Variants in RFX3 observed in about 807,000 individuals in gnomAD.
The protein encoded by RFX3 is regulatory factor X3, also known as transcription factor RFX3.
In RFX3, 14 loss-of-function variants were observed where a neutral mutation model predicts 98.6. That is an observed-to-expected ratio of 0.14 (90% CI 0.09 to 0.22). The LOEUF (loss-of-function observed/expected upper bound fraction) is 0.22. RFX3 is among the 10% of genes least tolerant of loss of function. The pLI is 1.00. For synonymous variants in RFX3, 383 were observed against 328.4 expected, an observed-to-expected ratio of 1.17 and a Z score of -1.80; for missense variants, 639 against 926.9, an observed-to-expected ratio of 0.69 and a Z score of 4.03.
intron 9 of RFX3, among the ~76,000 whole-genome samples, 190 bp downstream of exon 9, chr9:3,275,310 T>C (rs1825062560): frequency 6.6e-6 from 1 of 152,140 alleles, no homozygotes; most frequent in African/African-American, 2.4e-5. Context: ...TATTCTCACT[T>C]TTCTGCATTC....
chr9:3,324,247 T>C (rs1831636990), intron 4 of RFX3: 1 of 205,464 alleles, frequency 4.9e-6, no homozygotes, highest in East Asian at 1.0e-4. Flanking sequence ...AATTACTGTT[T>C]TGTCACATAA....
chr9:3,276,360 T>C (rs1825225098), intron 8 of RFX3, among the ~76,000 whole-genome samples: 1 of 152,238 alleles, frequency 6.6e-6, no homozygotes, highest in South Asian at 2.1e-4. Context: ...TCTTATTAGC[T>C]CTGGACAATT....
chr9:3,289,871 G>A (rs1447123366), intron 6 of RFX3, among the ~76,000 whole-genome samples: 1 of 151,990 alleles, frequency 6.6e-6, no homozygotes, highest in South Asian at 2.1e-4. Flanking sequence ...TCTGGTTCTG[G>A]TTTGAGTGGT....
At chr9:3,256,795 T>C (rs1822202325) in intron 14 of RFX3, among the ~76,000 whole-genome samples, 196 bp downstream of exon 14, 1 of 152,236 alleles carries the variant, frequency 6.6e-6, no homozygotes, top group Non-Finnish European at 1.5e-5. Context: ...AGAAAGTTTA[T>C]TTCTCTAAGT....
At chr9:3,231,367 T>C (rs865840380) in intron 15 of RFX3, among the ~76,000 whole-genome samples, 1 of 152,174 alleles carries the variant, frequency 6.6e-6, no homozygotes, top group Non-Finnish European at 1.5e-5. Context: ...TTTAACCCTA[T>C]AGATAGGCTG....
At chr9:3,447,788 TAA>T (rs888477987) in intron 1 of RFX3, among the ~76,000 whole-genome samples, 3 of 152,176 alleles carry the variant, frequency 2.0e-5, no homozygotes, top group African/African-American at 7.2e-5. Flanking sequence ...TCTAATTAGA[TAA>T]ACACACTTCC....
At chr9:3,405,872 C>G (rs1459004494) in intron 1 of RFX3, among the ~76,000 whole-genome samples, 1 of 152,168 alleles carries the variant, frequency 6.6e-6, no homozygotes, top group African/African-American at 2.4e-5. Flanking sequence ...TAGCTCCTGC[C>G]TACTGTCTCC....
intron 5 of RFX3, among the ~76,000 whole-genome samples, chr9:3,293,893 A>G (rs1345782282): frequency 6.6e-6 from 1 of 152,212 alleles, no homozygotes; most frequent in African/African-American, 2.4e-5. Context: ...TGTAATGAAA[A>G]GGAATCATTT....
At chr9:3,239,296 G>C (rs891159883) in intron 15 of RFX3, among the ~76,000 whole-genome samples, 43 of 152,260 alleles carry the variant, frequency 2.8e-4, no homozygotes, top group African/African-American at 1.0e-3. Context: ...TGTGTTCCTT[G>C]GTTACTTTTC....
At chr9:3,423,110 C>G (rs907934742) in intron 1 of RFX3, among the ~76,000 whole-genome samples, 1 of 152,136 alleles carries the variant, frequency 6.6e-6, no homozygotes, top group Non-Finnish European at 1.5e-5. Context: ...TTAACACTAT[C>G]CAAACATATG....
intron 3 of RFX3, among the ~76,000 whole-genome samples, chr9:3,346,319 G>A (rs1007220985): frequency 2.0e-5 from 3 of 151,914 alleles, no homozygotes; most frequent in African/African-American, 7.3e-5. Context: ...CATAAAAATT[G>A]ACCTCGTATA....
At chr9:3,403,892 C>G (rs969818345) in intron 1 of RFX3, among the ~76,000 whole-genome samples, 5 of 152,128 alleles carry the variant, frequency 3.3e-5, no homozygotes, top group African/African-American at 1.2e-4. Context: ...TAATTTTCTT[C>G]ACATCAGAAA....
chr9:3,400,212 A>G (rs1399238075), intron 1 of RFX3: 1 of 982,256 alleles, frequency 1.0e-6, no homozygotes, highest in Admixed American at 6.1e-5. Flanking sequence ...AAGACAAGTA[A>G]GAAAGGCAAA....
intron 1 of RFX3, among the ~76,000 whole-genome samples, chr9:3,416,231 G>C (rs1236909222): frequency 6.6e-6 from 1 of 152,138 alleles, no homozygotes; most frequent in Non-Finnish European, 1.5e-5. Context: ...ATAAAGTGTT[G>C]TATGAGCACA....
At chr9:3,488,121 T>C (rs1850430182) in intron 1 of RFX3, among the ~76,000 whole-genome samples, 2 of 152,088 alleles carry the variant, frequency 1.3e-5, no homozygotes. Flanking sequence ...CTTCACATAC[T>C]ACAAAGGAGT....
Position 3,262,964 on chromosome 9 carries a change from G to A in RFX3, c.1576C>T (p.Leu526Phe). Reference sequence around the variant, plus strand: ...ACATTGGCAAAGTCGACACGGTTGAGGTCACTAAGCATCTGGTTGATTTGG... The same window carrying A: ...ACATTGGCAAAGTCGACACGGTTGAAGTCACTAAGCATCTGGTTGATTTGG... ...TSQINQMLSD[L>F]NRVDFANVQE... The change falls in exon 13 of 17, where the codon CTC (leucine) becomes TTC (phenylalanine). Residue 526 changes from leucine (L) to phenylalanine (F), a missense_variant. Physicochemically the swap from Leu to Phe is conservative, Grantham distance 22 (BLOSUM62 0). Around this residue, in one of 9 missense-constraint regions of RFX3, gnomAD observed 138 missense variants for 308.9 expected, o/e 0.45. Coordinates refer to ENST00000617270, the MANE Select transcript of RFX3 (RefSeq NM_001282116.2). 6.2e-7 allele frequency: 1 copy of A among 1,613,774 alleles called. No homozygotes were observed. The highest frequency in any genetic ancestry group is 8.5e-7 in the Non-Finnish European group (1 of 1,179,726).
At chr9:3,290,230 A>G (rs1205343151) in intron 6 of RFX3, among the ~76,000 whole-genome samples, 1 of 152,038 alleles carries the variant, frequency 6.6e-6, no homozygotes, top group Non-Finnish European at 1.5e-5. Flanking sequence ...GACATAATTC[A>G]TAATTGTTAC....
chr9:3,353,219 G>C, intron 2 of RFX3, among the ~76,000 whole-genome samples: 1 of 127,636 alleles, frequency 7.8e-6, no homozygotes, highest in African/African-American at 2.9e-5. Flanking sequence ...AGGGGGGAGG[G>C]ATAGCATTAG....
intron 1 of RFX3, among the ~76,000 whole-genome samples, chr9:3,447,859 C>A (rs1846184306): frequency 6.6e-6 from 1 of 152,136 alleles, no homozygotes; most frequent in South Asian, 2.1e-4. Context: ...GCTAGCAGTG[C>A]TTTTTTAATT....
Sources: gnomAD v4.1 joint callset for allele counts (sites outside exome capture counted in the v4.1 genomes callset) on GRCh38, gnomAD v4.1.1 for gene constraint, gnomAD v4.1.1 regional missense constraint, MANE v1.5 for transcripts, NCBI Gene and HGNC (gene_info 2026-07-23, HGNC 2026-07-21) for gene names.